MEGF10: variants seen among roughly 807,000 people sequenced by gnomAD.
The protein encoded by MEGF10 is multiple epidermal growth factor-like domains protein 10.
A neutral mutation model predicts 147.5 loss-of-function variants in MEGF10; 86 were observed. The ratio of observed to expected loss-of-function variants is 0.58; its 90% CI spans 0.49 to 0.70. The LOEUF is 0.70. Ranked by LOEUF, MEGF10 falls within the 30% of genes least tolerant of loss-of-function variation. The pLI, the probability that MEGF10 is intolerant of heterozygous loss-of-function variation, is 0.00. For missense variants in MEGF10, 1,329 were observed against 1,487.3 expected (o/e 0.89, Z 1.75); for synonymous variants, 478 against 525.5 (o/e 0.91, Z 1.24).
rs1363576604 is a variant in MEGF10 at position 127,420,173 on chromosome 5, G to C, written c.1556G>C (p.Gly519Ala). 1.2e-6 allele frequency: 2 copies of C among 1,614,070 alleles called. No homozygotes were observed. The highest frequency in any genetic ancestry group is 8.5e-7 in the Non-Finnish European group (1 of 1,180,034). ...TLDGTCTCAP[G>A]WRGEKCELPC... ...GACGGGACCTGCACGTGTGCACCTGGATGGCGCGGGGAGAAATGCGAACTT... is the reference window on the plus strand; with the variant it reads ...GACGGGACCTGCACGTGTGCACCTGCATGGCGCGGGGAGAAATGCGAACTT... The change falls in exon 12 of 25, where the codon GGA becomes GCA. Residue 519 changes from glycine to alanine, a missense_variant. Coordinates refer to ENST00000503335, the MANE Select transcript of MEGF10 (RefSeq NM_001256545.2).
intron 22 of MEGF10, among the ~76,000 whole-genome samples, chr5:127,451,739 C>T (rs140393894): frequency 6.6e-6 from 1 of 152,292 alleles, no homozygotes; most frequent in African/African-American, 2.4e-5. Flanking sequence ...AACCTAGGAT[C>T]TTCATTGGAA....
chr5:127,415,034 T>C (rs923755911), intron 9 of MEGF10, among the ~76,000 whole-genome samples: 5 of 151,224 alleles, frequency 3.3e-5, no homozygotes, highest in African/African-American at 9.8e-5. Flanking sequence ...AACTGCATCC[T>C]AAGAACATGG....
chr5:127,412,852 C>G (rs1333931195), intron 9 of MEGF10, among the ~76,000 whole-genome samples: 1 of 152,126 alleles, frequency 6.6e-6, no homozygotes, highest in Non-Finnish European at 1.5e-5. Flanking sequence ...GCTAATTGGT[C>G]CTGGATATCC....
At chr5:127,288,045 A>T (rs1344941903), upstream of MEGF10, among the ~76,000 whole-genome samples, 2 of 152,082 alleles carry the variant, frequency 1.3e-5, no homozygotes, top group African/African-American at 4.8e-5. Context: ...CTGGATATCC[A>T]TGTAGACAAT....
chr5:127,419,970 G>A lies in MEGF10; in HGVS notation c.1427-74G>A, dbSNP rs994539609. On this transcript the variant is annotated intron_variant, in intron 11 of 24. Transcript: ENST00000503335. Reference sequence around the variant, plus strand: ...CTCCAAGGCGTTTCTAAAGAGAAACGTGGTTTGGAAAGGCTCAACAAGGCT... The same window carrying A: ...CTCCAAGGCGTTTCTAAAGAGAAACATGGTTTGGAAAGGCTCAACAAGGCT... 2.9e-5 allele frequency: 44 copies of A among 1,532,252 alleles called. No homozygotes were observed. In the Middle Eastern group the frequency reaches 8.8e-4, roughly 30 times the overall value. 94.9% of individuals were successfully genotyped at this position (1,532,252 alleles called of 1,614,324 possible).
intron 4 of MEGF10, among the ~76,000 whole-genome samples, chr5:127,344,116 GATTCA>G (rs1479828915): frequency 6.6e-6 from 1 of 152,174 alleles, no homozygotes; most frequent in African/African-American, 2.4e-5. Flanking sequence ...CAACACAGTA[GATTCA>G]ATTCAATTGA....
At chr5:127,425,525 T>G (rs926824339) in intron 13 of MEGF10, among the ~76,000 whole-genome samples, 1 of 152,138 alleles carries the variant, frequency 6.6e-6, no homozygotes, top group Non-Finnish European at 1.5e-5. Context: ...CCCTCACAAT[T>G]ACAGAATACA....
At chr5:127,417,168 G>T (rs1000237596) in intron 9 of MEGF10, among the ~76,000 whole-genome samples, 1 of 152,280 alleles carries the variant, frequency 6.6e-6, no homozygotes, top group Admixed American at 6.5e-5. Flanking sequence ...GGGTCAATGC[G>T]GCTGCTGTTT....
chr5:127,411,420 A>G (rs916870944), intron 9 of MEGF10, among the ~76,000 whole-genome samples: 1 of 152,240 alleles, frequency 6.6e-6, no homozygotes, highest in Non-Finnish European at 1.5e-5. Context: ...CTGTTACTTC[A>G]TTTATACTTC....
At position 127,410,454 on chromosome 5, in the gene MEGF10, A is replaced by G; in HGVS notation, c.983A>G (p.Asn328Ser). ...VLCAETCQCV[N>S]GGKCYHVSGA... ...TGTGCTGAGACCTGCCAGTGTGTCAACGGAGGGAAGTGTTACCACGTGAGC... is the reference window on the plus strand; with the variant it reads ...TGTGCTGAGACCTGCCAGTGTGTCAGCGGAGGGAAGTGTTACCACGTGAGC... The change falls in exon 9 of 25, where the codon AAC becomes AGC. Residue 328 changes from asparagine (N) to serine (S), a missense_variant. Transcript: ENST00000503335. The G allele has an allele frequency of 6.2e-7, 1 of 1,614,228 alleles. No homozygotes were observed. The highest frequency in any genetic ancestry group is 8.5e-7 in the Non-Finnish European group (1 of 1,180,046).
intron 6 of MEGF10, 144 bp from the exon 7 acceptor site, chr5:127,398,532 A>G (rs1029441449): frequency 4.1e-6 from 4 of 964,950 alleles, no homozygotes; most frequent in Non-Finnish European, 6.2e-6. Flanking sequence ...AGGCAATATG[A>G]TTAATGTTCT....
chr5:127,347,004 C>CAAA (rs762718710), intron 4 of MEGF10, among the ~76,000 whole-genome samples: 102 of 152,000 alleles, frequency 6.7e-4, no homozygotes, highest in Middle Eastern at 3.4e-3. Flanking sequence ...GTGTATGGAA[C>CAAA]AAGATTTTGA....
At chr5:127,370,052 C>A in intron 5 of MEGF10, 50 bp downstream of exon 5, 1 of 1,403,940 alleles carries the variant, frequency 7.1e-7, no homozygotes, top group Non-Finnish European at 1.0e-6. Flanking sequence ...TGCTGTAAGG[C>A]CCTCCTTGTC....
upstream of MEGF10, among the ~76,000 whole-genome samples, chr5:127,289,371 T>C (rs535260969): frequency 2.6e-5 from 4 of 152,332 alleles, no homozygotes; most frequent in East Asian, 7.7e-4. Flanking sequence ...ACCTCTAGAA[T>C]TATTTGTGCC....
intron 1 of MEGF10, among the ~76,000 whole-genome samples, chr5:127,313,890 A>G (rs140540717): frequency 6.6e-6 from 1 of 152,340 alleles, no homozygotes; most frequent in East Asian, 1.9e-4. Flanking sequence ...ACTTCCTTAT[A>G]GTTTTTCCTA....
intron 15 of MEGF10, 142 bp downstream of exon 15, chr5:127,434,963 C>CT (rs1405610372): frequency 4.1e-6 from 5 of 1,209,406 alleles, no homozygotes; most frequent in African/African-American, 3.1e-5. Flanking sequence ...GTGTCTGCAG[C>CT]TTCTCAGATA....
At chr5:127,347,630 A>C (rs1761938008) in intron 4 of MEGF10, among the ~76,000 whole-genome samples, 1 of 152,100 alleles carries the variant, frequency 6.6e-6, no homozygotes, top group African/African-American at 2.4e-5. Flanking sequence ...CCATCATTTG[A>C]CTGTAAATTC....
chr5:127,294,950 A>C (rs1759433159), intron 1 of MEGF10, among the ~76,000 whole-genome samples: 1 of 152,098 alleles, frequency 6.6e-6, no homozygotes, highest in African/African-American at 2.4e-5. Flanking sequence ...AGTATAATGA[A>C]GAGCTGAGCT....
At chr5:127,237,446 C>A in the MEGF10 span, among the ~76,000 whole-genome samples, 1 of 152,084 alleles carries the variant, frequency 6.6e-6, no homozygotes, top group Non-Finnish European at 1.5e-5. Context: ...AAGCTGAGAT[C>A]ACACCACTGC....
Sources: allele counts gnomAD v4.1 joint callset (sites outside exome capture counted in the v4.1 genomes callset), GRCh38; gene constraint gnomAD v4.1.1; transcripts MANE v1.5; gene names NCBI Gene and HGNC (gene_info 2026-07-23, HGNC 2026-07-21).